The following ARHGEF26 variants were observed in gnomAD, a reference collection of about 807,000 sequenced individuals.
ARHGEF26 encodes the protein Rho guanine nucleotide exchange factor 26.
Under a neutral mutation model 89.4 loss-of-function variants are expected in ARHGEF26, and 59 were observed. That is an observed-to-expected ratio of 0.66 (90% CI 0.54 to 0.82). The LOEUF (loss-of-function observed/expected upper bound fraction) is 0.82. Ranked by LOEUF, ARHGEF26 falls within the 40% of genes least tolerant of loss-of-function variation. The pLI, the probability that ARHGEF26 is intolerant of heterozygous loss-of-function variation, is 0.00. For missense variants in ARHGEF26, 1,234 were observed against 1,085.6 expected (o/e 1.14, Z -1.92); for synonymous variants, 500 against 428.4 (o/e 1.17, Z -2.06).
chr3:154,238,544 G>A (rs754212547), intron 11 of ARHGEF26, among the ~76,000 whole-genome samples: 15 of 152,192 alleles, frequency 9.9e-5, no homozygotes, highest in Non-Finnish European at 1.8e-4. Context: ...GAAATCTTGA[G>A]CAAAGTGGCC....
In ARHGEF26 at chr3:154,201,037, C is replaced by T. The variant is rs138590556; in HGVS notation, c.1845+6319C>T. Among the ~76,000 whole-genome samples, 1,306 of 151,874 alleles carry T rather than the reference C, an allele frequency of 8.6e-3. 8 individuals carry two copies. The highest frequency in any genetic ancestry group is 0.014 in the Non-Finnish European group (964 of 67,966). On this transcript the variant is annotated intron_variant, in intron 9 of 14. Transcript: ENST00000465093. ...TTATTATACTTTAAGTTTTAGGGTA[C>T]ATGTGCACAAGGTGCAGGTTTGTTA...
chr3:154,135,603 C>T (rs1190838738), intron 4 of ARHGEF26, among the ~76,000 whole-genome samples: 2 of 152,118 alleles, frequency 1.3e-5, no homozygotes, highest in African/African-American at 4.8e-5. Context: ...ATCACCGGTG[C>T]CTCACCCAAA....
intron 4 of ARHGEF26, among the ~76,000 whole-genome samples, chr3:154,137,313 A>G (rs1222131448): frequency 6.6e-6 from 1 of 152,210 alleles, no homozygotes; most frequent in Non-Finnish European, 1.5e-5. Context: ...CCTCCTTGCC[A>G]TATGATACCC....
At chr3:154,183,532 A>C (rs1245916082) in intron 6 of ARHGEF26, among the ~76,000 whole-genome samples, 1 of 152,190 alleles carries the variant, frequency 6.6e-6, no homozygotes, top group Non-Finnish European at 1.5e-5. Flanking sequence ...ATTCACCGGC[A>C]TTCTTGGTTC....
At position 154,254,722 on chromosome 3, in the gene ARHGEF26, C is replaced by G. The variant is rs1418814668; in HGVS notation, c.2371C>G (p.Leu791Val). The change falls in exon 14 of 15, where the codon CTG becomes GTG. Residue 791 changes from leucine to valine, a missense_variant and splice_region_variant. Physicochemically the swap from Leu to Val is conservative, Grantham distance 32. Transcript: ENST00000465093. Reference sequence around the variant, plus strand: ...AGTATGTCCTCTTTTGGCCTCAGCACTGACCCAGGTGGAAATCGTTAGGTC... The same window carrying G: ...AGTATGTCCTCTTTTGGCCTCAGCAGTGACCCAGGTGGAAATCGTTAGGTC... ...SGKPPADRTS[L>V]TQVEIVRSFT... 3 of 1,613,700 alleles carry G rather than the reference C, an allele frequency of 1.9e-6. No individual in the cohort carries two copies. The highest frequency in any genetic ancestry group is 2.5e-6 in the Non-Finnish European group (3 of 1,179,714).
intron 12 of ARHGEF26, among the ~76,000 whole-genome samples, chr3:154,241,411 T>G (rs1717474392): frequency 1.3e-5 from 2 of 152,248 alleles, no homozygotes; most frequent in Middle Eastern, 3.4e-3. Flanking sequence ...TTAAAATGGA[T>G]CAGCAGCTGA....
At chr3:154,128,893 AT>A (rs1718503292) in intron 3 of ARHGEF26, among the ~76,000 whole-genome samples, 1 of 152,156 alleles carries the variant, frequency 6.6e-6, no homozygotes, top group African/African-American at 2.4e-5. Flanking sequence ...CATGACACTT[AT>A]CAGCATCAAA....
intron 11 of ARHGEF26, among the ~76,000 whole-genome samples, chr3:154,228,436 CT>C (rs71744878): frequency 0.2 from 28,397 of 141,406 alleles, 2,895 homozygotes; most frequent in South Asian, 0.37. Context: ...CGCACCTGGC[CT>C]TTTTTTTTTT....
chr3:154,254,262 G>A (rs1249498587), intron 13 of ARHGEF26, among the ~76,000 whole-genome samples: 2 of 152,092 alleles, frequency 1.3e-5, no homozygotes, highest in Non-Finnish European at 2.9e-5. Flanking sequence ...TCAGCTTTTG[G>A]TTGGAGCTCA....
chr3:154,153,794 T>C lies in ARHGEF26; in HGVS notation c.1487+862T>C, dbSNP rs78333570. Reference sequence around the variant, plus strand: ...GAAAATACATGTATATATATATTTTTCTTGTTTTTACTTAAATGTTACCAT... The same window carrying C: ...GAAAATACATGTATATATATATTTTCCTTGTTTTTACTTAAATGTTACCAT... On this transcript the variant is annotated intron_variant, in intron 6 of 14. Transcript: ENST00000465093. 1.5e-3 allele frequency among the ~76,000 whole-genome samples: 228 copies of C among 152,198 alleles called. 5 individuals are homozygous for C. The East Asian group carries it at 0.037, about 25-fold the overall frequency.
chr3:154,166,038 T>A (rs961284504), intron 6 of ARHGEF26, among the ~76,000 whole-genome samples: 1 of 152,118 alleles, frequency 6.6e-6, no homozygotes, highest in Non-Finnish European at 1.5e-5. Context: ...TTTATTTATA[T>A]CTATTTTTAT....
chr3:154,156,209 T>C (rs1720331276), intron 6 of ARHGEF26, among the ~76,000 whole-genome samples: 1 of 152,042 alleles, frequency 6.6e-6, no homozygotes, highest in Non-Finnish European at 1.5e-5. Context: ...GGTCACTGGA[T>C]ATGGCTGACA....
At chr3:154,194,823 C>A (rs1325710250) in intron 9 of ARHGEF26, 105 bp downstream of exon 9, 3 of 914,516 alleles carry the variant, frequency 3.3e-6, no homozygotes, top group East Asian at 2.6e-5. Flanking sequence ...AGTCTCACAG[C>A]CATTTGTACA....
chr3:154,152,667 C>T, intron 5 of ARHGEF26, 105 bp from the exon 6 acceptor site: 1 of 808,724 alleles, frequency 1.2e-6, no homozygotes, highest in Non-Finnish European at 1.8e-6. Context: ...GATACTATAC[C>T]TGAAAAGTGG....
At chr3:154,227,570 T>C (rs1364258382) in intron 11 of ARHGEF26, among the ~76,000 whole-genome samples, 3 of 152,196 alleles carry the variant, frequency 2.0e-5, no homozygotes, top group African/African-American at 7.2e-5. Flanking sequence ...CATGAGCCAC[T>C]GCGCCCAGCC....
chr3:154,201,866 G>A (rs954614727), intron 9 of ARHGEF26, among the ~76,000 whole-genome samples: 19 of 152,032 alleles, frequency 1.2e-4, no homozygotes, highest in Admixed American at 7.2e-4. Flanking sequence ...TTTTTTTCTT[G>A]TAAATTTGTT....
At chr3:154,128,084 C>G (rs1718447798) in intron 3 of ARHGEF26, among the ~76,000 whole-genome samples, 1 of 152,068 alleles carries the variant, frequency 6.6e-6, no homozygotes, top group Admixed American at 6.6e-5. Context: ...CTGTTCTCAC[C>G]TCTATATAAA....
At chr3:154,130,588 A>G (rs1718628915) in intron 4 of ARHGEF26, among the ~76,000 whole-genome samples, 2 of 152,190 alleles carry the variant, frequency 1.3e-5, no homozygotes, top group South Asian at 4.1e-4. Flanking sequence ...TCCTCTCTGC[A>G]TCAGACACCT....
At chr3:154,187,953 T>A in intron 7 of ARHGEF26, 116 bp downstream of exon 7, 1 of 1,031,118 alleles carries the variant, frequency 9.7e-7, no homozygotes, top group Middle Eastern at 3.1e-4. Flanking sequence ...TGATAGGCTA[T>A]TTCCCAGAGG....
Sources: allele counts gnomAD v4.1 joint callset (sites outside exome capture counted in the v4.1 genomes callset), GRCh38; gene constraint gnomAD v4.1.1; transcripts MANE v1.5; gene names NCBI Gene and HGNC (gene_info 2026-07-23, HGNC 2026-07-21).